ZNF416: variants seen among roughly 807,000 people sequenced by gnomAD.
ZNF416 encodes the protein zinc finger protein 416.
A neutral mutation model predicts 10.9 loss-of-function variants in ZNF416; 5 were observed. The observed-to-expected ratio is 0.46, with a 90% CI of 0.24 to 0.97. The LOEUF (loss-of-function observed/expected upper bound fraction) is 0.97. ZNF416 is among the 50% of genes least tolerant of loss of function. The pLI, the probability that ZNF416 is intolerant of heterozygous loss-of-function variation, is 0.19. For synonymous variants in ZNF416, 267 were observed against 251.8 expected (o/e 1.06, Z -0.57); for missense variants, 675 against 715.0 (o/e 0.94, Z 0.64).
intron 1 of ZNF416, chr19:57,578,329 C>G (rs1468429293): frequency 8.4e-6 from 5 of 598,142 alleles, no homozygotes; most frequent in Non-Finnish European, 1.2e-5. Flanking sequence ...CTCTGAGTAA[C>G]TTTAGAAAAA....
chr19:57,571,975 A>G lies in ZNF416; in HGVS notation c.*144T>C. 9.7e-7 allele frequency: 1 copy of G among 1,034,412 alleles called. No individual in the cohort carries two copies. The highest frequency in any genetic ancestry group is 2.4e-5 in the East Asian group (1 of 41,650). The allele number at this position is 1,034,412 out of a possible 1,614,324, so 64.1% of individuals were successfully genotyped here. A position where few individuals can be genotyped will look rare whatever the true frequency, so the allele number is the denominator to read the frequency against. The stretch of plus-strand genomic sequence containing the variant: ...TATGCCTGGAACTAATGGGAGTCTG[A>G]CCCATCGGGAGGTCTAGAAGTATGA... On this transcript the variant is annotated 3_prime_UTR_variant, in exon 4 of 4. Transcript: ENST00000196489.
Position 57,573,284 on chromosome 19 carries a change from G to C in ZNF416, c.620C>G (p.Ala207Gly). 6.2e-7 allele frequency: 1 copy of C among 1,614,216 alleles called. No individual in the cohort carries two copies. The highest frequency in any genetic ancestry group is 8.5e-7 in the Non-Finnish European group (1 of 1,180,048). The change falls in exon 4 of 4, where the codon GCC (alanine) becomes GGC (glycine). Residue 207 changes from alanine (A) to glycine (G), a missense_variant. Transcript: ENST00000196489. ...KPNKISKCEE[A>G]FHVGISHYKW... ...GTAATGACTTATTCCAACATGAAAGGCCTCCTCACATTTGCTGATTTTGTT... is the reference window on the plus strand; with the variant it reads ...GTAATGACTTATTCCAACATGAAAGCCCTCCTCACATTTGCTGATTTTGTT...
In ZNF416 at chr19:57,571,909, C is replaced by T. The variant is rs148456763; in HGVS notation, c.*210G>A. ...AATGATTTAACTCTGGCAAAGGCCT[C>T]CAGCAGTTTAGAACATGCAAAGGAG... On this transcript the variant is annotated 3_prime_UTR_variant, in exon 4 of 4. Coordinates refer to ENST00000196489, the MANE Select transcript of ZNF416 (RefSeq NM_017879.3). 3.1e-4 allele frequency: 181 copies of T among 580,954 alleles called. No homozygotes were observed. The highest frequency in any genetic ancestry group is 2.9e-3 in the African/African-American group (159 of 54,050). 36.0% of individuals were successfully genotyped at this position (580,954 alleles called of 1,614,324 possible). A position where few individuals can be genotyped will look rare whatever the true frequency, so the allele number is the denominator to read the frequency against.
chr19:57,576,432 T>G (rs1978538668), intron 2 of ZNF416, among the ~76,000 whole-genome samples: 1 of 152,150 alleles, frequency 6.6e-6, no homozygotes, highest in Admixed American at 6.5e-5. Context: ...ATAGTTGGAA[T>G]GCAACATTCA....
intron 3 of ZNF416, 62 bp from the exon 4 acceptor site, chr19:57,573,763 T>TA: frequency 2.6e-6 from 4 of 1,528,924 alleles, no homozygotes; most frequent in Non-Finnish European, 3.5e-6. Flanking sequence ...ATTAGTCATT[T>TA]AAAAAACTAT....
Position 57,575,868 on chromosome 19 carries a change from A to C in ZNF416, c.138T>G (p.Asp46Glu). ...YFSQEEWGLL[D>E]EAQRLLYRDV... ...CGCGGTACAGGAGCCTCTGAGCCTCATCAAGGAGCCCCCATTCTTCCTGGG... is the reference window on the plus strand; with the variant it reads ...CGCGGTACAGGAGCCTCTGAGCCTCCTCAAGGAGCCCCCATTCTTCCTGGG... Residue 46 changes from aspartate (D) to glutamate (E), a missense_variant, in exon 3 of 4, where the codon GAT (aspartate) becomes GAG (glutamate). Asp to Glu is a conservative substitution (Grantham distance 45). Coordinates refer to ENST00000196489, the MANE Select transcript of ZNF416 (RefSeq NM_017879.3). The surrounding 1 kb of genome is among the most constrained non-coding windows in gnomAD (Gnocchi z 4.4). The C allele has an allele frequency of 6.2e-7, 1 of 1,614,122 alleles. No homozygotes were observed. The highest frequency in any genetic ancestry group is 8.5e-7 in the Non-Finnish European group (1 of 1,180,022).
chr19:57,576,016 T>A (rs1450516925), intron 2 of ZNF416, 86 bp from the exon 3 acceptor site: 1 of 1,532,196 alleles, frequency 6.5e-7, no homozygotes, highest in African/African-American at 1.4e-5. Context: ...TTTCCCTGCT[T>A]ATCCCCATAC....
Position 57,574,402 on chromosome 19 carries a change from G to A in ZNF416, c.203-701C>T, listed in dbSNP as rs181200370. On this transcript the variant is annotated intron_variant, in intron 3 of 3. Coordinates refer to ENST00000196489, the MANE Select transcript of ZNF416 (RefSeq NM_017879.3). ...CTCTTGCTTCTACCTTCTGACCACT[G>A]AGCACTTCCTCATGTGGCCCTGCAT... Among the ~76,000 whole-genome samples the A allele has an allele frequency of 2.0e-3, 312 of 152,270 alleles. 1 individual carries two copies. Among genetic ancestry groups the A allele is most frequent in the African/African-American group, 7.2e-3 (298 of 41,558 alleles).
At chr19:57,574,776 G>A (rs940415538) in intron 3 of ZNF416, among the ~76,000 whole-genome samples, 5 of 152,202 alleles carry the variant, frequency 3.3e-5, no homozygotes, top group East Asian at 1.9e-4. Context: ...CCTGTGGCAA[G>A]ATCTTGTCAG....
At position 57,575,853 on chromosome 19, in the gene ZNF416, G is replaced by A. The variant is rs369053482; in HGVS notation, c.153C>T (p.Leu51=). The A allele has an allele frequency of 1.5e-5, 24 of 1,613,998 alleles. No homozygotes were observed. The highest frequency in any genetic ancestry group is 3.3e-4 in the Middle Eastern group (2 of 6,084). The change falls in exon 3 of 4, where the codon CTC becomes CTT. Residue 51 remains leucine, a synonymous_variant. Coordinates refer to ENST00000196489, the MANE Select transcript of ZNF416 (RefSeq NM_017879.3). The surrounding 1 kb of genome is among the most constrained non-coding windows in gnomAD (Gnocchi z 4.4). ...TCTCCAGCATCACATCGCGGTACAG[G>A]AGCCTCTGAGCCTCATCAAGGAGCC... is the stretch of plus-strand genomic sequence containing the variant. ...EWGLLDEAQR[L]LYRDVMLENF...
Position 57,575,420 on chromosome 19 carries a change from C to T in ZNF416, c.202+384G>A, listed in dbSNP as rs1978495797. The stretch of plus-strand genomic sequence containing the variant: ...TCCTTGAAGGAGGTTCTGGCAACCA[C>T]AGCTCATGGTCCATGTAAATACTGA... On this transcript the variant is annotated intron_variant, in intron 3 of 3. Transcript: ENST00000196489. This position sits in a 1 kb window ranked among gnomAD's most constrained non-coding sequence, Gnocchi z 4.4. Among the ~76,000 whole-genome samples, 1 of 152,172 alleles carries T rather than the reference C, an allele frequency of 6.6e-6. No homozygotes were observed. The highest frequency in any genetic ancestry group is 2.4e-5 in the African/African-American group (1 of 41,446).
In ZNF416 at chr19:57,572,756, T is replaced by G. The variant is rs748842940; in HGVS notation, c.1148A>C (p.Glu383Ala). The G allele has an allele frequency of 6.2e-7, 1 of 1,614,166 alleles. No individual in the cohort carries two copies. The highest frequency in any genetic ancestry group is 8.5e-7 in the Non-Finnish European group (1 of 1,180,028). Residue 383 changes from glutamate to alanine, a missense_variant, in exon 4 of 4, where the codon GAG becomes GCG. Coordinates refer to ENST00000196489, the MANE Select transcript of ZNF416 (RefSeq NM_017879.3). This position sits in a 1 kb window ranked among gnomAD's most constrained non-coding sequence, Gnocchi z 4.5. ...GAATAATTTCCCACATTCACCACAC[T>G]CATATGGCTTTTCTCCTGTGTGAGT... Reference protein sequence around the residue: ...QRTHTGEKPYECGECGKLFRQ... With the variant: ...QRTHTGEKPYACGECGKLFRQ...
intron 2 of ZNF416, 114 bp downstream of exon 2, chr19:57,577,943 A>T: frequency 8.6e-7 from 1 of 1,163,392 alleles, no homozygotes; most frequent in Non-Finnish European, 1.3e-6. Flanking sequence ...ATGTTTGTTC[A>T]GGATTCCTAG....
chr19:57,578,691 A>G lies in ZNF416; in HGVS notation c.14T>C (p.Val5Ala). ...ACTCACCGAAGTCGAATCCCTAAGC[A>G]CGGCCGCCGCCATCGGATTGTGAGC... is the stretch of plus-strand genomic sequence containing the variant. MAAAVLRDSTSVPVT... is the reference protein window; with the variant it reads MAAAALRDSTSVPVT... Residue 5 changes from valine (V) to alanine (A), a missense_variant, in exon 1 of 4, where the codon GTG (valine) becomes GCG (alanine). Physicochemically the swap from Val to Ala is moderately conservative, Grantham distance 64. Transcript: ENST00000196489. 1 of 1,549,770 alleles carries G rather than the reference A, an allele frequency of 6.5e-7. No homozygotes were observed. The highest frequency in any genetic ancestry group is 2.5e-5 in the East Asian group (1 of 39,764).
rs1978505240 is a variant in ZNF416, at chr19:57,575,696, G to A, written c.202+108C>T. 4.8e-6 allele frequency: 7 copies of A among 1,457,262 alleles called. No individual in the cohort carries two copies. The highest frequency in any genetic ancestry group is 5.8e-6 in the Non-Finnish European group (6 of 1,040,026). 90.3% of individuals were successfully genotyped at this position (1,457,262 alleles called of 1,614,324 possible). Reference sequence around the variant, plus strand: ...TCATTCCTTACACCACAGCACATACGCCAAGACAGTGGGGAAGTCAGCAAA... The same window carrying A: ...TCATTCCTTACACCACAGCACATACACCAAGACAGTGGGGAAGTCAGCAAA... On this transcript the variant is annotated intron_variant, in intron 3 of 3. Transcript: ENST00000196489. This position sits in a 1 kb window ranked among gnomAD's most constrained non-coding sequence, Gnocchi z 4.4.
Position 57,572,540 on chromosome 19 carries a change from T to C in ZNF416, c.1364A>G (p.Lys455Arg), listed in dbSNP as rs1397683140. The C allele has an allele frequency of 6.2e-7, 1 of 1,614,120 alleles. No homozygotes were observed. Among genetic ancestry groups the C allele is most frequent in the Admixed American group, 1.7e-5 (1 of 60,014 alleles). Residue 455 changes from lysine to arginine, a missense_variant, in exon 4 of 4, where the codon AAA (lysine) becomes AGA (arginine). By Grantham distance (26) the Lys-to-Arg change is conservative. Coordinates refer to ENST00000196489, the MANE Select transcript of ZNF416 (RefSeq NM_017879.3). The surrounding 1 kb of genome is among the most constrained non-coding windows in gnomAD (Gnocchi z 4.5). ...TTCTGCAGTGTGAACTTTGTGGTGT[T>C]TATTGAGGGTGGTTCTTTGGCTAAA... ...KSFSQRTTLN[K>R]HHKVHTAERP...
At position 57,578,882 on chromosome 19, in the gene ZNF416, T is replaced by G; in HGVS notation, c.-178A>C. 1 of 515,512 alleles carries G rather than the reference T, an allele frequency of 1.9e-6. No individual in the cohort carries two copies. The highest frequency in any genetic ancestry group is 3.5e-5 in the East Asian group (1 of 28,328). 31.9% of individuals were successfully genotyped at this position (515,512 alleles called of 1,614,324 possible). A position where few individuals can be genotyped will look rare whatever the true frequency, so the allele number is the denominator to read the frequency against. ...GGGCCGAGGTAGAGAACCACCAAAA[T>G]TACCATCTCGGAGCGGTGCCGGAAG... On this transcript the variant is annotated 5_prime_UTR_variant, in exon 1 of 4. Transcript: ENST00000196489.
Position 57,572,457 on chromosome 19 carries a change from T to G in ZNF416, c.1447A>C (p.Arg483=). ...KAFMFKSKLV[R]HQRTHTGERP... is the part of the protein sequence containing the mutation. ...TCTCCAGTGTGAGTTCTCTGGTGCCTAACAAGTTTAGATTTGAACATAAAA... is the reference window on the plus strand; with the variant it reads ...TCTCCAGTGTGAGTTCTCTGGTGCCGAACAAGTTTAGATTTGAACATAAAA... Residue 483 remains arginine (R), a synonymous_variant, in exon 4 of 4, where the codon AGG becomes CGG. Transcript: ENST00000196489. The surrounding 1 kb of genome is among the most constrained non-coding windows in gnomAD (Gnocchi z 4.5). 1 of 1,613,614 alleles carries G rather than the reference T, an allele frequency of 6.2e-7. No homozygotes were observed. The highest frequency in any genetic ancestry group is 8.5e-7 in the Non-Finnish European group (1 of 1,179,846).
chr19:57,572,471 T>G lies in ZNF416; in HGVS notation c.1433A>C (p.Lys478Thr). The G allele has an allele frequency of 6.2e-7, 1 of 1,613,676 alleles. No individual in the cohort carries two copies. The highest frequency in any genetic ancestry group is 1.3e-5 in the African/African-American group (1 of 74,876). Reference protein sequence around the residue: ...CGECGKAFMFKSKLVRHQRTH... With the variant: ...CGECGKAFMFTSKLVRHQRTH... ...TCTCTGGTGCCTAACAAGTTTAGAT[T>G]TGAACATAAAAGCTTTCCCACATTC... is the stretch of plus-strand genomic sequence containing the variant. Residue 478 changes from lysine to threonine, a missense_variant, in exon 4 of 4, where the codon AAA becomes ACA. Physicochemically the swap from Lys to Thr is moderately conservative, Grantham distance 78 (BLOSUM62 -1). Coordinates refer to ENST00000196489, the MANE Select transcript of ZNF416 (RefSeq NM_017879.3). The surrounding 1 kb of genome is among the most constrained non-coding windows in gnomAD (Gnocchi z 4.5).
Sources: allele counts gnomAD v4.1 joint callset (sites outside exome capture counted in the v4.1 genomes callset), GRCh38; gene constraint gnomAD v4.1.1; non-coding constraint Gnocchi (gnomAD v3.1); transcripts MANE v1.5; gene names NCBI Gene and HGNC (gene_info 2026-07-23, HGNC 2026-07-21).